POLR1C: variants seen among roughly 807,000 people sequenced by gnomAD.
The protein encoded by POLR1C is DNA-directed RNA polymerases I and III subunit RPAC1.
A neutral mutation model predicts 38.3 loss-of-function variants in POLR1C; 42 were observed. The observed-to-expected ratio is 1.10, with a 90% CI of 0.86 to 1.42. The LOEUF (loss-of-function observed/expected upper bound fraction) is 1.42. Ranked by LOEUF, POLR1C falls within the 40% of genes most tolerant of loss-of-function variation. POLR1C has a pLI of 0.00. For synonymous variants in POLR1C, 163 were observed against 163.9 expected (o/e 0.99, Z 0.04); for missense variants, 507 against 450.5 (o/e 1.13, Z -1.14).
At chr6:43,541,813 T>C (rs534074798) in intron 9 of POLR1C, among the ~76,000 whole-genome samples, 40 of 152,372 alleles carry the variant, frequency 2.6e-4, no homozygotes, top group Middle Eastern at 3.4e-3. Context: ...AGTCTCATTC[T>C]TTCTCCCAGG....
rs1582211595 is a variant in POLR1C at position 43,539,039 on chromosome 6, C to T, written c.*4+9680C>T. On this transcript the variant is annotated intron_variant, in intron 9 of 10. Transcript: ENST00000607635. ...AGTGCAGCCCTGGGCTGAGGTGTAGCAGTCATCGATACCAGCCATCATGAG... is the reference window on the plus strand; with the variant it reads ...AGTGCAGCCCTGGGCTGAGGTGTAGTAGTCATCGATACCAGCCATCATGAG... 7.1e-6 allele frequency: 11 copies of T among 1,545,450 alleles called. No homozygotes were observed. The South Asian group carries it at 1.1e-4, about 16-fold the overall frequency.
rs1292843710 is a variant in POLR1C at position 43,551,558 on chromosome 6, T to A, written c.*48+547T>A. On this transcript the variant is annotated intron_variant, in intron 10 of 10. Transcript: ENST00000607635. The stretch of plus-strand genomic sequence containing the variant: ...CTTTTAAAGAGACAGGGTCTCATTC[T>A]GTCACCTAGGCTGGAGTGCACAGTG... 3 of 1,393,782 alleles carry A rather than the reference T, an allele frequency of 2.2e-6. No homozygotes were observed. In the East Asian group the frequency reaches 6.9e-5, roughly 32 times the overall value. The allele number at this position is 1,393,782 out of a possible 1,614,324, so 86.3% of individuals were successfully genotyped here. A position where few individuals can be genotyped will look rare whatever the true frequency, so the allele number is the denominator to read the frequency against.
At chr6:43,528,694 G>C in intron 8 of POLR1C, 1 of 793,832 alleles carries the variant, frequency 1.3e-6, no homozygotes, top group Non-Finnish European at 2.1e-6. Flanking sequence ...TAGTCAGCTG[G>C]GGTAGAAGCT....
In POLR1C at chr6:43,517,320, CT is replaced by C. The variant is rs2127686639; in HGVS notation, c.87del (p.Gly31ValfsTer23). On this transcript the variant is annotated frameshift_variant, in exon 2 of 9. Transcript: ENST00000642195. LOFTEE classifies it high-confidence loss of function. The stretch of plus-strand genomic sequence containing the variant: ...CTTTGCTCTAGGTCCATACTACTGA[CT>C]TTCCCGGTAACTATTCCGGTTATGA... Reference protein sequence around the residue: ...FGVRNVHTTDFPGNYSGYDDA... With the variant: ...FGVRNVHTTDXPGNYSGYDDA... 8 of 1,614,158 alleles carry C rather than the reference CT, an allele frequency of 5.0e-6. No individual in the cohort carries two copies. Among genetic ancestry groups the C allele is most frequent in the Non-Finnish European group, 6.8e-6 (8 of 1,180,006 alleles).
chr6:43,535,708 G>C (rs959818220), intron 9 of POLR1C, among the ~76,000 whole-genome samples: 2 of 151,316 alleles, frequency 1.3e-5, no homozygotes, highest in African/African-American at 4.9e-5. Flanking sequence ...CAGCTACTCG[G>C]AAGGCTGAGG....
chr6:43,535,413 A>C (rs567258419), intron 9 of POLR1C, among the ~76,000 whole-genome samples: 2 of 152,000 alleles, frequency 1.3e-5, no homozygotes, highest in East Asian at 3.9e-4. Context: ...AACATGGTAA[A>C]ACCCAGTCTC....
chr6:43,522,767 C>A (rs753346310), downstream of POLR1C: 29 of 473,254 alleles, frequency 6.1e-5, no homozygotes, highest in Non-Finnish European at 1.1e-4. Context: ...AGCACATGGA[C>A]ACACTGGTTT....
downstream of POLR1C, chr6:43,526,072 AT>A (rs930761657): frequency 2.8e-5 from 19 of 686,358 alleles, no homozygotes; most frequent in South Asian, 5.6e-5. Flanking sequence ...CCTCCACATA[AT>A]GCCCATGCCC....
downstream of POLR1C, chr6:43,525,004 C>T: frequency 6.2e-7 from 1 of 1,606,804 alleles, no homozygotes; most frequent in Non-Finnish European, 8.5e-7. Flanking sequence ...CCACAGGGGG[C>T]CTCTCTCAAG....
At chr6:43,535,607 G>A (rs535366583) in intron 9 of POLR1C, among the ~76,000 whole-genome samples, 6 of 148,584 alleles carry the variant, frequency 4.0e-5, no homozygotes, top group Non-Finnish European at 7.4e-5. Context: ...TCAGGAGATC[G>A]AGACCATCCT....
chr6:43,548,602 A>G (rs1376859712), intron 9 of POLR1C: 2 of 685,006 alleles, frequency 2.9e-6, no homozygotes, highest in African/African-American at 3.7e-5. Flanking sequence ...TAATTCTGTT[A>G]TATGTCTTTA....
chr6:43,527,981 C>G (rs1210465481), intron 8 of POLR1C, among the ~76,000 whole-genome samples: 1 of 152,204 alleles, frequency 6.6e-6, no homozygotes, highest in Non-Finnish European at 1.5e-5. Context: ...GGCTGGATCT[C>G]AGAGTCTGCC....
chr6:43,538,134 G>A (rs1794459611), intron 9 of POLR1C, among the ~76,000 whole-genome samples: 1 of 113,502 alleles, frequency 8.8e-6, no homozygotes, highest in Admixed American at 9.2e-5. Context: ...GAGCCTAAGA[G>A]ACATCTTTTT....
downstream of POLR1C, chr6:43,525,958 T>C: frequency 6.2e-7 from 1 of 1,608,540 alleles, no homozygotes; most frequent in Non-Finnish European, 8.5e-7. Flanking sequence ...CTCCATCCTT[T>C]CAGAACAGAG....
chr6:43,555,823 G>GA (rs755031702), intron 10 of POLR1C: 5 of 1,613,438 alleles, frequency 3.1e-6, no homozygotes, highest in Admixed American at 1.7e-5. Flanking sequence ...ATTCAGTAAT[G>GA]AAAAAAACTT....
chr6:43,538,236 G>A (rs1002214479), intron 9 of POLR1C, among the ~76,000 whole-genome samples: 5 of 123,686 alleles, frequency 4.0e-5, no homozygotes, highest in Non-Finnish European at 6.3e-5. Flanking sequence ...TGCAACCTCC[G>A]CCTGCTGGGT....
chr6:43,551,735 C>T (rs921041528), intron 10 of POLR1C, among the ~76,000 whole-genome samples: 7 of 152,048 alleles, frequency 4.6e-5, no homozygotes, highest in South Asian at 4.1e-4. Context: ...GTTGTTATGT[C>T]GACCAGGCTG....
downstream of POLR1C, chr6:43,521,667 A>G (rs1793197772): frequency 2.9e-6 from 1 of 340,944 alleles, no homozygotes; most frequent in Non-Finnish European, 5.7e-6. Context: ...TGCTACAGGC[A>G]TGCACCACCA....
rs150870449 is a variant in POLR1C, at chr6:43,520,381, G to T, written c.609G>T (p.Arg203=). The stretch of plus-strand genomic sequence containing the variant: ...ATGATATCCTCATCGCTCAGCTGCG[G>T]CCTGGCCAAGAAATTGACCTGCTCA... The part of the protein sequence containing the change: ...VHDDILIAQL[R]PGQEIDLLMH... The change falls in exon 6 of 9, where the codon CGG becomes CGT. Residue 203 remains arginine, a synonymous_variant. Coordinates refer to ENST00000642195, the MANE Select transcript of POLR1C (RefSeq NM_203290.4). 1.9e-6 allele frequency: 3 copies of T among 1,613,858 alleles called. No individual in the cohort carries two copies. The highest frequency in any genetic ancestry group is 2.7e-5 in the African/African-American group (2 of 75,050).
Sources: allele counts gnomAD v4.1 joint callset (sites outside exome capture counted in the v4.1 genomes callset), GRCh38; gene constraint gnomAD v4.1.1; transcripts MANE v1.5; gene names NCBI Gene and HGNC (gene_info 2026-07-23, HGNC 2026-07-21).